The following PIK3C2A variants were observed in gnomAD, a reference collection of about 807,000 sequenced individuals.
PIK3C2A encodes the protein phosphatidylinositol 4-phosphate 3-kinase C2 domain-containing subunit alpha.
A neutral mutation model predicts 204.5 loss-of-function variants in PIK3C2A; 97 were observed. That is an observed-to-expected ratio of 0.47 (90% confidence interval 0.40 to 0.56). The LOEUF (loss-of-function observed/expected upper bound fraction) is 0.56. Ranked by LOEUF, PIK3C2A falls within the 20% of genes least tolerant of loss-of-function variation. PIK3C2A has a pLI of 0.00. For missense variants in PIK3C2A, 1,735 were observed against 1,969.2 expected (o/e 0.88, Z 2.25); for synonymous variants, 653 against 664.4 (o/e 0.98, Z 0.26).
At chr11:17,100,911 GA>G (rs1373657897) in intron 25 of PIK3C2A, among the ~76,000 whole-genome samples, 1 of 152,084 alleles carries the variant, frequency 6.6e-6, no homozygotes, top group Non-Finnish European at 1.5e-5. Context: ...ATATACCCAG[GA>G]AAGTACAGAA....
rs1428236395 is a variant in PIK3C2A at position 17,136,607 on chromosome 11, C to T, written c.1723G>A (p.Asp575Asn). 3.2e-6 allele frequency: 5 copies of T among 1,584,348 alleles called. No individual in the cohort carries two copies. The change falls in exon 9 of 33, where the codon GAT becomes AAT. Residue 575 changes from aspartate to asparagine, a missense_variant. Asp to Asn is a conservative substitution (Grantham distance 23, BLOSUM62 1). Transcript: ENST00000691414. ...TTTCTTACAGCTTTAATTACTTGAT[C>T]TACTGCTCGGTGTTGGTTCTTTAAA... ...LQIENQHRAV[D>N]QVIKAVRKIC...
chr11:17,100,044 C>T, intron 25 of PIK3C2A, 75 bp from the exon 26 acceptor site: 1 of 734,520 alleles, frequency 1.4e-6, no homozygotes, highest in Non-Finnish European at 2.4e-6. Flanking sequence ...CTGTGGGCTG[C>T]TCAAGTAATC....
chr11:17,149,779 C>T (rs1032580488), intron 4 of PIK3C2A, among the ~76,000 whole-genome samples: 13 of 152,112 alleles, frequency 8.5e-5, no homozygotes, highest in African/African-American at 3.1e-4. Flanking sequence ...ATAATTGTTA[C>T]AGTAGCTAAT....
intron 26 of PIK3C2A, 141 bp downstream of exon 26, chr11:17,099,719 G>C (rs1848560202): frequency 6.2e-6 from 3 of 487,302 alleles, no homozygotes; most frequent in Non-Finnish European, 1.1e-5. Flanking sequence ...ACTTTTGACA[G>C]CCTACTATGT....
At position 17,112,086 on chromosome 11, in the gene PIK3C2A, C is replaced by T. The variant is rs372641029; in HGVS notation, c.3414+488G>A. The stretch of plus-strand genomic sequence containing the variant: ...TAGAAGCAATCTTTATGAACCTCCA[C>T]GTGTCCAACTCATTGAATTAAACTA... On this transcript the variant is annotated intron_variant, in intron 21 of 32. Coordinates refer to ENST00000691414, the MANE Select transcript of PIK3C2A (RefSeq NM_002645.4). Among the ~76,000 whole-genome samples, 48 of 152,146 alleles carry T rather than the reference C, an allele frequency of 3.2e-4. No homozygotes were observed. The East Asian group carries it at 8.5e-3, about 27-fold the overall frequency.
At chr11:17,102,457 A>G (rs61763078) in intron 24 of PIK3C2A, among the ~76,000 whole-genome samples, 1 of 152,062 alleles carries the variant, frequency 6.6e-6, no homozygotes, top group African/African-American at 2.4e-5. Context: ...CAAAAGAACA[A>G]AACAACAACA....
intron 4 of PIK3C2A, among the ~76,000 whole-genome samples, chr11:17,149,189 ACTAAT>A (rs1850350385): frequency 6.6e-6 from 1 of 152,172 alleles, no homozygotes; most frequent in Non-Finnish European, 1.5e-5. Context: ...AGGTATTATA[ACTAAT>A]CTAGAGATGA....
intron 27 of PIK3C2A, among the ~76,000 whole-genome samples, chr11:17,096,077 T>A (rs1848448116): frequency 6.6e-6 from 1 of 151,868 alleles, no homozygotes; most frequent in Non-Finnish European, 1.5e-5. Context: ...CTTGCTCTGT[T>A]GCCCAGCCTG....
At chr11:17,119,348 G>A in intron 16 of PIK3C2A, 35 bp from the exon 17 acceptor site, 1 of 1,234,538 alleles carries the variant, frequency 8.1e-7, no homozygotes. Context: ...ATTGGACAGT[G>A]ATTTCTTTCC....
At chr11:17,156,790 A>C (rs904784220) in intron 2 of PIK3C2A, among the ~76,000 whole-genome samples, 3 of 152,172 alleles carry the variant, frequency 2.0e-5, no homozygotes, top group Non-Finnish European at 2.9e-5. Context: ...AGTGCTACAA[A>C]ACCACAATTA....
At position 17,097,284 on chromosome 11, in the gene PIK3C2A, T is replaced by C. The variant is rs1426281990; in HGVS notation, c.4119-20A>G. On this transcript the variant is annotated intron_variant, in intron 26 of 32. Coordinates refer to ENST00000691414, the MANE Select transcript of PIK3C2A (RefSeq NM_002645.4). ...ATAAGCCTACAAAATAATCAGAAAA[T>C]TCGTTAACAGTAAATGAGAACACAT... 6.6e-7 allele frequency: 1 copy of C among 1,512,238 alleles called. No individual in the cohort carries two copies. Among genetic ancestry groups the C allele is most frequent in the Non-Finnish European group, 9.2e-7 (1 of 1,090,590 alleles). The allele number at this position is 1,512,238 out of a possible 1,614,324, so 93.7% of individuals were successfully genotyped here.
chr11:17,201,810 C>G (rs1300095973), intron 1 of PIK3C2A, among the ~76,000 whole-genome samples: 3 of 152,090 alleles, frequency 2.0e-5, no homozygotes, highest in Non-Finnish European at 4.4e-5. Context: ...AACTGAAGTA[C>G]TTTTTGCTAC....
At chr11:17,183,323 CT>C (rs746447240) in intron 1 of PIK3C2A, among the ~76,000 whole-genome samples, 2 of 152,176 alleles carry the variant, frequency 1.3e-5, no homozygotes, top group Non-Finnish European at 2.9e-5. Flanking sequence ...TGAAAGTATA[CT>C]GTTATAATTA....
intron 1 of PIK3C2A, chr11:17,194,187 T>G: frequency 1.8e-6 from 1 of 554,142 alleles, no homozygotes; most frequent in Non-Finnish European, 2.7e-6. Flanking sequence ...GCCAAGGGGC[T>G]TGGGTTGTGC....
At chr11:17,146,677 C>A (rs1444930615) in intron 6 of PIK3C2A, among the ~76,000 whole-genome samples, 1 of 150,856 alleles carries the variant, frequency 6.6e-6, no homozygotes, top group Admixed American at 6.6e-5. Context: ...GCTAAGATCA[C>A]ATCATTGCAC....
chr11:17,094,132 G>C, intron 28 of PIK3C2A, 129 bp downstream of exon 28: 1 of 614,726 alleles, frequency 1.6e-6, no homozygotes, highest in African/African-American at 1.9e-5. Context: ...AGGTCTTTAT[G>C]ACACAAAGGA....
chr11:17,144,251 T>C (rs1448174827), intron 8 of PIK3C2A, among the ~76,000 whole-genome samples: 10 of 152,220 alleles, frequency 6.6e-5, no homozygotes, highest in Non-Finnish European at 1.5e-4. Context: ...TCAGGGAACA[T>C]CCCTTCTAAG....
Position 17,143,636 on chromosome 11 carries a change from A to C in PIK3C2A, c.1704+2032T>G, listed in dbSNP as rs1206294560. Among the ~76,000 whole-genome samples, 12 of 141,400 alleles carry C rather than the reference A, an allele frequency of 8.5e-5. No individual in the cohort carries two copies. The South Asian group carries it at 1.2e-3, about 14-fold the overall frequency. The allele number at this position is 141,400 out of a possible 152,430, so 92.8% of individuals were successfully genotyped here. On this transcript the variant is annotated intron_variant, in intron 8 of 32. Coordinates refer to ENST00000691414, the MANE Select transcript of PIK3C2A (RefSeq NM_002645.4). Reference sequence around the variant, plus strand: ...GAAAGAATATGTTAAAAAAAAAAAAAACAAAAAAAAAAGGGTATGGGGCCA... The same window carrying C: ...GAAAGAATATGTTAAAAAAAAAAAACACAAAAAAAAAAGGGTATGGGGCCA...
At position 17,169,797 on chromosome 11, in the gene PIK3C2A, A is replaced by AT; in HGVS notation, c.-57dup. The AT allele has an allele frequency of 8.6e-7, 1 of 1,156,556 alleles. No homozygotes were observed. 71.6% of individuals were successfully genotyped at this position (1,156,556 alleles called of 1,614,324 possible). On this transcript the variant is annotated 5_prime_UTR_variant, in exon 2 of 33. Transcript: ENST00000691414. ...CTATTTTTTTCTTGTAGCTTCCAAA[A>AT]TAGCAAGGCCTATACATAAAAATAA...
Sources: allele counts gnomAD v4.1 joint callset (sites outside exome capture counted in the v4.1 genomes callset), GRCh38; gene constraint gnomAD v4.1.1; transcripts MANE v1.5; gene names NCBI Gene and HGNC (gene_info 2026-07-23, HGNC 2026-07-21).